The following GTF3C3 variants were observed in gnomAD, a reference collection of about 807,000 sequenced individuals.
GTF3C3 encodes general transcription factor 3C polypeptide 3.
A neutral mutation model predicts 105.2 loss-of-function variants in GTF3C3; 75 were observed. The observed-to-expected ratio is 0.71, with a 90% CI of 0.59 to 0.86. The LOEUF (loss-of-function observed/expected upper bound fraction) is 0.86, where lower values mean the gene tolerates loss of function less well. Ranked by LOEUF, GTF3C3 falls within the 40% of genes least tolerant of loss-of-function variation. GTF3C3 has a pLI of 0.00. For synonymous variants in GTF3C3, 335 were observed against 370.4 expected, an observed-to-expected ratio of 0.90 and a Z score of 1.10; for missense variants, 856 against 1,076.5, an observed-to-expected ratio of 0.80 and a Z score of 2.87.
At chr2:196,799,330 G>C in intron 1 of GTF3C3, 180 bp downstream of exon 1, 2 of 551,126 alleles carry the variant, frequency 3.6e-6, no homozygotes, top group East Asian at 3.0e-5. Context: ...GGGGGAAAAC[G>C]TTTTAAGGAG....
chr2:196,781,389 A>ATATATATAT (rs1699359447), intron 8 of GTF3C3, among the ~76,000 whole-genome samples: 2 of 53,662 alleles, frequency 3.7e-5, no homozygotes, highest in Admixed American at 2.5e-4. Flanking sequence ...TATATATATA[A>ATATATATAT]AATTAAATAA....
chr2:196,778,308 G>T (rs1174791564), intron 10 of GTF3C3: 2 of 152,216 alleles, frequency 1.3e-5, no homozygotes, highest in African/African-American at 4.8e-5. Context: ...AAGACTATTC[G>T]ATTTTTAATG....
intron 2 of GTF3C3, among the ~76,000 whole-genome samples, chr2:196,794,026 T>TG (rs1414453737): frequency 6.6e-6 from 1 of 152,162 alleles, no homozygotes; most frequent in Non-Finnish European, 1.5e-5. Flanking sequence ...TAAGAGGGAC[T>TG]GGGTCATGGG....
intron 15 of GTF3C3, among the ~76,000 whole-genome samples, chr2:196,770,517 A>G (rs777437800): frequency 6.6e-5 from 10 of 152,212 alleles, no homozygotes; most frequent in Non-Finnish European, 1.2e-4. Context: ...GTTTTCCCAA[A>G]TGTAGCAATT....
At position 196,778,805 on chromosome 2, in the gene GTF3C3, C is replaced by T. The variant is rs908137897; in HGVS notation, c.1390+91G>A. 4.9e-5 allele frequency: 57 copies of T among 1,168,068 alleles called. No homozygotes were observed. In the South Asian group the frequency reaches 6.5e-4, roughly 13 times the overall value. 72.4% of individuals were successfully genotyped at this position (1,168,068 alleles called of 1,614,324 possible). A position where few individuals can be genotyped will look rare whatever the true frequency, so the allele number is the denominator to read the frequency against. Reference sequence around the variant, plus strand: ...AAAAACTCCCCTGAAACCAGAAACACTTGCACTATAATAATTATTACCATC... The same window carrying T: ...AAAAACTCCCCTGAAACCAGAAACATTTGCACTATAATAATTATTACCATC... On this transcript the variant is annotated intron_variant, in intron 10 of 17. Coordinates refer to ENST00000263956, the MANE Select transcript of GTF3C3 (RefSeq NM_012086.5).
chr2:196,794,912 A>G (rs902693966), intron 2 of GTF3C3, among the ~76,000 whole-genome samples: 2 of 151,304 alleles, frequency 1.3e-5, no homozygotes, highest in Non-Finnish European at 2.9e-5. Context: ...TATTTTTAGT[A>G]GAGATGGGGT....
intron 12 of GTF3C3, among the ~76,000 whole-genome samples, chr2:196,775,776 A>C (rs16857846): frequency 0.11 from 16,703 of 152,230 alleles, 1,009 homozygotes; most frequent in Non-Finnish European, 0.14. Context: ...TATCTGATAG[A>C]CCATGGTGCT....
At chr2:196,771,635 T>C in intron 15 of GTF3C3, 113 bp downstream of exon 15, 1 of 647,628 alleles carries the variant, frequency 1.5e-6, no homozygotes, top group Non-Finnish European at 2.7e-6. Flanking sequence ...CAGGAGGAGG[T>C]AGAATAATTT....
intron 15 of GTF3C3, among the ~76,000 whole-genome samples, chr2:196,771,263 T>G (rs1477350348): frequency 2.0e-5 from 3 of 152,212 alleles, no homozygotes; most frequent in African/African-American, 7.2e-5. Flanking sequence ...TTAATATAGA[T>G]TTAGCTCCTG....
chr2:196,775,679 TAAGCTGGACTCGG>T (rs1216505171), intron 12 of GTF3C3, among the ~76,000 whole-genome samples: 1 of 152,122 alleles, frequency 6.6e-6, no homozygotes, highest in Non-Finnish European at 1.5e-5. Context: ...TCCCTGCAAA[TAAGCTGGACTCGG>T]AAAGAATATT....
intron 9 of GTF3C3, 63 bp from the exon 10 acceptor site, chr2:196,779,130 C>T (rs1699304402): frequency 4.8e-6 from 5 of 1,037,448 alleles, no homozygotes; most frequent in South Asian, 1.6e-5. Context: ...CTATCTATAG[C>T]TTTTTTTTTT....
chr2:196,799,377 T>C, intron 1 of GTF3C3, 133 bp downstream of exon 1: 1 of 670,258 alleles, frequency 1.5e-6, no homozygotes, highest in Non-Finnish European at 2.6e-6. Context: ...CCGGAGTTTC[T>C]GTAAGATAAG....
intron 7 of GTF3C3, 35 bp from the exon 8 acceptor site, chr2:196,784,964 A>C (rs1029951803): frequency 1.4e-6 from 2 of 1,384,566 alleles, no homozygotes; most frequent in Non-Finnish European, 1.0e-6. Context: ...GAAATAAAAT[A>C]TGTGTGAAAA....
At chr2:196,784,961 A>G (rs1699430003) in intron 7 of GTF3C3, 32 bp from the exon 8 acceptor site, 1 of 1,406,640 alleles carries the variant, frequency 7.1e-7, no homozygotes, top group Non-Finnish European at 1.0e-6. Context: ...AAGGAAATAA[A>G]ATATGTGTGA....
At position 196,776,696 on chromosome 2, in the gene GTF3C3, T is replaced by C; in HGVS notation, c.1391-67A>G. ...TTTGTAAACTGGCCACAATTACTCT[T>C]CCATTTTAAAAGAAATATAGCAATA... On this transcript the variant is annotated intron_variant, in intron 10 of 17. Transcript: ENST00000263956. This position sits in a 1 kb window ranked among gnomAD's most constrained non-coding sequence, Gnocchi z 4.5. 1 of 1,096,710 alleles carries C rather than the reference T, an allele frequency of 9.1e-7. No homozygotes were observed. Among genetic ancestry groups the C allele is most frequent in the South Asian group, 1.4e-5 (1 of 71,350 alleles). The allele number at this position is 1,096,710 out of a possible 1,614,324, so 67.9% of individuals were successfully genotyped here.
intron 15 of GTF3C3, 64 bp downstream of exon 15, chr2:196,771,684 T>C: frequency 8.9e-7 from 1 of 1,120,912 alleles, no homozygotes; most frequent in Non-Finnish European, 1.4e-6. Flanking sequence ...ACAGTTCCAA[T>C]CCAGAGGCTA....
rs151014515 is a variant in GTF3C3 at position 196,792,346 on chromosome 2, A to G, written c.411+610T>C. ...TAGTTTTTTAAAAAGTTTTTTGTAG[A>G]GACAGAGCCTCACTATGTTGCTCAG... On this transcript the variant is annotated intron_variant, in intron 3 of 17. Coordinates refer to ENST00000263956, the MANE Select transcript of GTF3C3 (RefSeq NM_012086.5). Among the ~76,000 whole-genome samples the G allele has an allele frequency of 2.6e-5, 4 of 152,178 alleles. No individual in the cohort carries two copies. The East Asian group carries it at 7.7e-4, about 29-fold the overall frequency.
intron 2 of GTF3C3, among the ~76,000 whole-genome samples, chr2:196,796,242 T>G (rs16858188): frequency 0.26 from 39,439 of 152,080 alleles, 5,984 homozygotes; most frequent in African/African-American, 0.43. Flanking sequence ...TAAAAGGATG[T>G]ATGACATTAT....
intron 16 of GTF3C3, 27 bp from the exon 17 acceptor site, chr2:196,766,744 A>G (rs746932379): frequency 1.3e-5 from 20 of 1,576,778 alleles, no homozygotes; most frequent in Middle Eastern, 1.7e-4. Flanking sequence ...AGATAATTCA[A>G]TATTTCACTG....
Sources: gnomAD v4.1 joint callset for allele counts (sites outside exome capture counted in the v4.1 genomes callset) on GRCh38, gnomAD v4.1.1 for gene constraint, Gnocchi (gnomAD v3.1) non-coding constraint, MANE v1.5 for transcripts, NCBI Gene and HGNC (gene_info 2026-07-23, HGNC 2026-07-21) for gene names.